The following PCDH11X variants were observed in gnomAD, a reference collection of about 807,000 sequenced individuals.
The protein encoded by PCDH11X is protocadherin-11 X-linked.
Under a neutral mutation model 53.3 loss-of-function variants are expected in PCDH11X, and 18 were observed. The observed-to-expected ratio is 0.34, with a 90% CI of 0.23 to 0.50. The LOEUF (loss-of-function observed/expected upper bound fraction) is 0.50, where lower values mean the gene tolerates loss of function less well. Among genes scored for constraint, PCDH11X ranks in the 20% least tolerant of loss-of-function variants. The probability of loss-of-function intolerance (pLI) is 0.98; values close to 1 mark genes in which losing one functional copy is unlikely to be tolerated. For synonymous variants in PCDH11X, 279 were observed against 393.3 expected (o/e 0.71, Z 3.44); for missense variants, 570 against 1,032.4 (o/e 0.55, Z 6.14).
intron 1 of PCDH11X, among the ~76,000 whole-genome samples, chrX:91,807,706 C>T (rs1444271788): frequency 9.0e-6 from 1 of 111,149 alleles, no homozygotes; most frequent in Non-Finnish European, 1.9e-5. Context: ...ATAGCTGTAG[C>T]CCCTAAGTCA....
At chrX:92,496,527 C>T (rs2073862817) in intron 10 of PCDH11X, among the ~76,000 whole-genome samples, 1 of 104,638 alleles carries the variant, frequency 9.6e-6, no homozygotes, top group African/African-American at 3.7e-5. Context: ...GGTGGTTGCA[C>T]AAGCCTTTTT....
intron 7 of PCDH11X, among the ~76,000 whole-genome samples, chrX:92,224,994 GA>G (rs1205425918): frequency 1.8e-5 from 2 of 111,155 alleles, no homozygotes; most frequent in African/African-American, 3.3e-5. Flanking sequence ...CTGAGTGTTT[GA>G]TACTGCTGTT....
chrX:91,980,897 T>C (rs1184307278), intron 6 of PCDH11X, among the ~76,000 whole-genome samples: 1 of 105,076 alleles, frequency 9.5e-6, no homozygotes, highest in East Asian at 2.9e-4. Context: ...TATCACTGAG[T>C]GTCTACTAGT....
At chrX:92,384,458 G>A (rs2070967435) in intron 8 of PCDH11X, among the ~76,000 whole-genome samples, 1 of 111,688 alleles carries the variant, frequency 9.0e-6, no homozygotes, top group Admixed American at 9.6e-5. Context: ...TCAAGACAGG[G>A]GGATTGCAGT....
chrX:92,413,445 A>G (rs2071734860), intron 9 of PCDH11X, among the ~76,000 whole-genome samples: 1 of 66,351 alleles, frequency 1.5e-5, no homozygotes, highest in Non-Finnish European at 2.6e-5. Flanking sequence ...GCAAATTCTA[A>G]TGGTATCTCT....
At chrX:92,466,782 T>C (rs184695623) in intron 9 of PCDH11X, among the ~76,000 whole-genome samples, 2,652 of 109,951 alleles carry the variant, frequency 0.024, 70 homozygotes, top group East Asian at 0.08. Flanking sequence ...CCAGACCCAT[T>C]ACATTACTTA....
At chrX:92,421,847 C>T (rs1169690981) in intron 9 of PCDH11X, among the ~76,000 whole-genome samples, 1 of 111,849 alleles carries the variant, frequency 8.9e-6, no homozygotes, top group Admixed American at 9.5e-5. Context: ...GTAGGTCACA[C>T]GTATGTCTTA....
At chrX:92,271,347 A>G (rs1461798449) in intron 8 of PCDH11X, among the ~76,000 whole-genome samples, 1 of 112,252 alleles carries the variant, frequency 8.9e-6, no homozygotes, top group Admixed American at 9.5e-5. Flanking sequence ...ACAGTGCAGG[A>G]TGTTCAGGTT....
Position 92,608,066 on chromosome X carries a change from G to A in PCDH11X, c.3368-10198G>A, listed in dbSNP as rs770022978. Among the ~76,000 whole-genome samples the A allele has an allele frequency of 6.6e-3, 727 of 110,399 alleles. 5 individuals are homozygous for A. Among genetic ancestry groups the A allele is most frequent in the Non-Finnish European group, 0.01 (535 of 52,717 alleles). On this transcript the variant is annotated intron_variant, in intron 10 of 10. Coordinates refer to ENST00000682573, the MANE Select transcript of PCDH11X (RefSeq NM_032968.5). ...TTTACATCCTATTCTTTGGTACTAA[G>A]CATGATAGGGTAATGACAGTCACTG...
chrX:92,384,808 C>T (rs1341241210), intron 8 of PCDH11X, among the ~76,000 whole-genome samples: 14 of 104,769 alleles, frequency 1.3e-4, no homozygotes, highest in African/African-American at 4.5e-4. Context: ...CTTGTAGCCT[C>T]CAGCTGCATG....
At chrX:92,417,094 A>G (rs2071831219) in intron 9 of PCDH11X, among the ~76,000 whole-genome samples, 1 of 111,376 alleles carries the variant, frequency 9.0e-6, no homozygotes, top group African/African-American at 3.3e-5. Flanking sequence ...ATGATGCTGT[A>G]ACATGCATTA....
intron 6 of PCDH11X, among the ~76,000 whole-genome samples, chrX:92,156,004 CAG>C (rs1390207772): frequency 1.8e-5 from 2 of 109,907 alleles, no homozygotes; most frequent in Admixed American, 9.7e-5. Flanking sequence ...ACAAAGCAGC[CAG>C]AGAGACTCAG....
intron 6 of PCDH11X, among the ~76,000 whole-genome samples, chrX:92,192,487 C>T (rs2066211001): frequency 9.1e-6 from 1 of 109,710 alleles, no homozygotes; most frequent in African/African-American, 3.3e-5. Context: ...GGACTGCAGG[C>T]GTGCGCCAAC....
intron 7 of PCDH11X, among the ~76,000 whole-genome samples, chrX:92,256,009 A>C (rs2067571518): frequency 8.9e-6 from 1 of 112,350 alleles, no homozygotes; most frequent in Non-Finnish European, 1.9e-5. Flanking sequence ...AAGCCTGGGC[A>C]ATGGCGGGCG....
chrX:92,323,172 T>C (rs187113885), intron 8 of PCDH11X, among the ~76,000 whole-genome samples: 1,208 of 111,105 alleles, frequency 0.011, 15 homozygotes, highest in African/African-American at 0.034. Flanking sequence ...ACTATGCTTA[T>C]GTAAACAGAA....
At chrX:92,434,725 G>A (rs2072330070) in intron 9 of PCDH11X, among the ~76,000 whole-genome samples, 5 of 107,546 alleles carry the variant, frequency 4.6e-5, no homozygotes, top group Admixed American at 4.0e-4. Context: ...GTATTAGTCC[G>A]TTTTCATGCC....
intron 6 of PCDH11X, among the ~76,000 whole-genome samples, chrX:91,926,393 G>C (rs1235782565): frequency 9.0e-6 from 1 of 110,953 alleles, no homozygotes; most frequent in Non-Finnish European, 1.9e-5. Flanking sequence ...TTAATCATAT[G>C]CAAAAACACC....
intron 8 of PCDH11X, among the ~76,000 whole-genome samples, chrX:92,265,269 A>T (rs1232755127): frequency 9.1e-6 from 1 of 110,486 alleles, no homozygotes; most frequent in Non-Finnish European, 1.9e-5. Flanking sequence ...AGCTGGACCA[A>T]CAAGAGAGTG....
intron 8 of PCDH11X, among the ~76,000 whole-genome samples, chrX:92,279,232 C>T (rs1569453019): frequency 8.9e-6 from 1 of 112,436 alleles, no homozygotes; most frequent in African/African-American, 3.2e-5. Context: ...ACTTTAACAG[C>T]TTGTTTTACT....
Sources: allele counts gnomAD v4.1 joint callset (sites outside exome capture counted in the v4.1 genomes callset), GRCh38; gene constraint gnomAD v4.1.1; transcripts MANE v1.5; gene names NCBI Gene and HGNC (gene_info 2026-07-23, HGNC 2026-07-21).